Variants in PTN observed in about 807,000 individuals in gnomAD.
PTN encodes the protein pleiotrophin.
A neutral mutation model predicts 24.1 loss-of-function variants in PTN; 18 were observed. The observed-to-expected ratio is 0.75, with a 90% CI of 0.52 to 1.11. The LOEUF (loss-of-function observed/expected upper bound fraction) is 1.11. Among genes scored for constraint, PTN ranks in the 50% least tolerant of loss-of-function variants. The pLI, the probability that PTN is intolerant of heterozygous loss-of-function variation, is 0.00. For missense variants in PTN, 163 were observed against 198.8 expected (o/e 0.82, Z 1.08); for synonymous variants, 78 against 68.6 (o/e 1.14, Z -0.67).
intron 1 of PTN, among the ~76,000 whole-genome samples, chr7:137,333,544 T>C (rs757919268): frequency 6.6e-6 from 1 of 152,320 alleles, no homozygotes; most frequent in East Asian, 1.9e-4. Flanking sequence ...CCTGGTCTAG[T>C]TCCATTATGG....
intron 1 of PTN, among the ~76,000 whole-genome samples, chr7:137,285,084 A>G (rs1809532545): frequency 6.6e-6 from 1 of 152,184 alleles, no homozygotes; most frequent in Non-Finnish European, 1.5e-5. Context: ...AAGTATACAT[A>G]AAAAAGCAAA....
intron 1 of PTN, among the ~76,000 whole-genome samples, chr7:137,260,486 G>A (rs975020940): frequency 6.6e-6 from 1 of 151,870 alleles, no homozygotes; most frequent in African/African-American, 2.4e-5. Flanking sequence ...TTATTCAAGG[G>A]TGCTTCCCTT....
intron 1 of PTN, among the ~76,000 whole-genome samples, chr7:137,278,945 CAATAAT>C (rs59932923): frequency 0.015 from 1,997 of 134,264 alleles, 37 homozygotes; most frequent in African/African-American, 0.052. Context: ...CATCTCAGAA[CAATAAT>C]AATAATAATA....
intron 1 of PTN, among the ~76,000 whole-genome samples, chr7:137,330,893 A>G (rs1175427890): frequency 6.6e-6 from 1 of 152,080 alleles, no homozygotes; most frequent in Non-Finnish European, 1.5e-5. Flanking sequence ...CTTAGGATAC[A>G]CCATGACAGC....
intron 1 of PTN, among the ~76,000 whole-genome samples, chr7:137,342,826 T>C: frequency 6.6e-6 from 1 of 152,146 alleles, no homozygotes. Context: ...AGGTGTGTCT[T>C]CTAAACTTTG....
At chr7:137,243,157 G>A (rs757109940) in intron 4 of PTN, among the ~76,000 whole-genome samples, 3 of 152,024 alleles carry the variant, frequency 2.0e-5, no homozygotes, top group South Asian at 4.1e-4. Flanking sequence ...GGATGGTCTC[G>A]ATCTCTTGAC....
At chr7:137,335,099 C>T (rs193180585) in intron 1 of PTN, among the ~76,000 whole-genome samples, 4 of 142,998 alleles carry the variant, frequency 2.8e-5, no homozygotes, top group Admixed American at 6.9e-5. Context: ...TGCTAAATGA[C>T]GAGTTGATGG....
At chr7:137,257,084 TA>T (rs559494440) in intron 1 of PTN, among the ~76,000 whole-genome samples, 1 of 152,224 alleles carries the variant, frequency 6.6e-6, no homozygotes, top group South Asian at 2.1e-4. Flanking sequence ...GTGTTGTTTT[TA>T]AAAATTGATG....
At chr7:137,266,923 A>C (rs1809161104) in intron 1 of PTN, among the ~76,000 whole-genome samples, 1 of 149,190 alleles carries the variant, frequency 6.7e-6, no homozygotes, top group Non-Finnish European at 1.5e-5. Flanking sequence ...CTACAGATTG[A>C]ACACATCTGG....
chr7:137,290,611 C>T (rs1809624696), intron 1 of PTN, among the ~76,000 whole-genome samples: 1 of 152,014 alleles, frequency 6.6e-6, no homozygotes, highest in African/African-American at 2.4e-5. Context: ...TTATTATAAC[C>T]AAGTTGAGTA....
At chr7:137,305,497 T>C (rs1211864159) in intron 1 of PTN, among the ~76,000 whole-genome samples, 1 of 151,994 alleles carries the variant, frequency 6.6e-6, no homozygotes, top group Non-Finnish European at 1.5e-5. Flanking sequence ...TTGCAGAAAA[T>C]AAAGTTCCCC....
chr7:137,341,956 A>G (rs1810541186), intron 1 of PTN, among the ~76,000 whole-genome samples: 1 of 152,232 alleles, frequency 6.6e-6, no homozygotes, highest in Non-Finnish European at 1.5e-5. Context: ...GAAGAAAAAA[A>G]TATTCATTCT....
rs139906473 is a variant in PTN, at chr7:137,278,506, C to T, written c.-1-23532G>A. ...AATAGTCATGAGAAAGATCGTGTGGCTCTAACAGTATTAGTCAATTTAGAC... is the reference window on the plus strand; with the variant it reads ...AATAGTCATGAGAAAGATCGTGTGGTTCTAACAGTATTAGTCAATTTAGAC... On this transcript the variant is annotated intron_variant, in intron 1 of 4. Coordinates refer to ENST00000348225, the MANE Select transcript of PTN (RefSeq NM_002825.7). 2.4e-4 allele frequency among the ~76,000 whole-genome samples: 36 copies of T among 152,024 alleles called. 1 individual carries two copies. In the East Asian group the frequency reaches 7.0e-3, roughly 29 times the overall value.
At chr7:137,243,669 C>T (rs1005535542) in intron 4 of PTN, among the ~76,000 whole-genome samples, 5 of 152,104 alleles carry the variant, frequency 3.3e-5, no homozygotes, top group African/African-American at 9.7e-5. Flanking sequence ...AGCAGACACG[C>T]TTAAATGAGA....
chr7:137,270,550 AT>A (rs1809256024), intron 1 of PTN, among the ~76,000 whole-genome samples: 6 of 152,246 alleles, frequency 3.9e-5, no homozygotes, highest in Admixed American at 3.3e-4. Context: ...TCATGGTAAT[AT>A]TAAATGATAT....
At position 137,316,777 on chromosome 7, in the gene PTN, C is replaced by T. The variant is rs548884652; in HGVS notation, c.-2+26662G>A. 5.3e-5 allele frequency among the ~76,000 whole-genome samples: 8 copies of T among 152,268 alleles called. No homozygotes were observed. The South Asian group carries it at 1.5e-3, about 28-fold the overall frequency. ...AGCATTACCTTTCCAGCAAATTAGC[C>T]GGCTGCCGGGTTTGGTGAGCATCAT... On this transcript the variant is annotated intron_variant, in intron 1 of 4. Transcript: ENST00000348225.
chr7:137,256,648 A>G (rs181687072), intron 1 of PTN, among the ~76,000 whole-genome samples: 1 of 152,290 alleles, frequency 6.6e-6, no homozygotes, highest in African/African-American at 2.4e-5. Context: ...TCTTTATATT[A>G]AAATAATTCA....
At chr7:137,309,049 C>A (rs977673446) in intron 1 of PTN, among the ~76,000 whole-genome samples, 8 of 152,108 alleles carry the variant, frequency 5.3e-5, no homozygotes, top group African/African-American at 1.9e-4. Context: ...GGGTTAGATA[C>A]AATTTCTCTG....
intron 1 of PTN, among the ~76,000 whole-genome samples, chr7:137,277,905 T>TA (rs1406878896): frequency 0.012 from 7 of 592 alleles, no homozygotes; most frequent in Non-Finnish European, 0.02. Context: ...ATAGATGAGA[T>TA]GATAGATAGA....
Sources: gnomAD v4.1 joint callset for allele counts (sites outside exome capture counted in the v4.1 genomes callset) on GRCh38, gnomAD v4.1.1 for gene constraint, MANE v1.5 for transcripts, NCBI Gene and HGNC (gene_info 2026-07-23, HGNC 2026-07-21) for gene names.